The following ZNF579 variants were observed in gnomAD, a reference collection of about 807,000 sequenced individuals.
The protein encoded by ZNF579 is zinc finger protein 579.
ZNF579 carries 3 observed loss-of-function variants against 5.7 expected under a neutral mutation model. The observed-to-expected ratio is 0.53, with a 90% CI of 0.24 to 1.36. ZNF579 has a LOEUF of 1.36. ZNF579 is among the 40% of genes most tolerant of loss of function. ZNF579 has a pLI of 0.16. For missense variants in ZNF579, 679 were observed against 877.6 expected (o/e 0.77, Z 2.86); for synonymous variants, 454 against 409.0 (o/e 1.11, Z -1.33).
In ZNF579 at chr19:55,579,055, C is replaced by T; in HGVS notation, c.585G>A (p.Glu195=). 1 of 1,530,370 alleles carries T rather than the reference C, an allele frequency of 6.5e-7. No homozygotes were observed. The highest frequency in any genetic ancestry group is 8.7e-7 in the Non-Finnish European group (1 of 1,144,768). The allele number at this position is 1,530,370 out of a possible 1,614,324, so 94.8% of individuals were successfully genotyped here. The change falls in exon 2 of 2, where the codon GAG becomes GAA. Residue 195 remains glutamate, a synonymous_variant. Transcript: ENST00000325421. The part of the protein sequence containing the change: ...PTSAAEPRES[E]SEEAEAGAAE... ...CTGCCCCGGCCTCGGCCTCCTCCGA[C>T]TCCGACTCCCGGGGCTCCGCGGCGC...
chr19:55,577,651 G>A lies in ZNF579; in HGVS notation c.*300C>T, dbSNP rs1979419220. The A allele has an allele frequency of 6.4e-6, 3 of 469,930 alleles. No homozygotes were observed. The highest frequency in any genetic ancestry group is 4.7e-5 in the South Asian group (2 of 42,528). The allele number at this position is 469,930 out of a possible 1,614,324, so 29.1% of individuals were successfully genotyped here. Reference sequence around the variant, plus strand: ...ATGGTGTCCAGTGTGTGAAACGGGGGACAGGGAGGCGGGGGCGTCCCCACC... The same window carrying A: ...ATGGTGTCCAGTGTGTGAAACGGGGAACAGGGAGGCGGGGGCGTCCCCACC... On this transcript the variant is annotated 3_prime_UTR_variant, in exon 2 of 2. Transcript: ENST00000325421.
Position 55,578,110 on chromosome 19 carries a change from C to T in ZNF579, c.1530G>A (p.Glu510=). 1 of 1,560,720 alleles carries T rather than the reference C, an allele frequency of 6.4e-7. No individual in the cohort carries two copies. Among genetic ancestry groups the T allele is most frequent in the Non-Finnish European group, 8.7e-7 (1 of 1,152,108 alleles). The change falls in exon 2 of 2, where the codon GAG becomes GAA. Residue 510 remains glutamate, a synonymous_variant. Transcript: ENST00000325421. ...LPLPLANIKE[E]PPSPGTPPQS... ...GGGGTGGGGTCCCCGGAGAGGGCGG[C>T]TCTTCCTTAATGTTTGCGAGGGGCA...
chr19:55,580,404 A>G (rs1034335251), intron 1 of ZNF579, among the ~76,000 whole-genome samples: 70 of 150,062 alleles, frequency 4.7e-4, no homozygotes, highest in Non-Finnish European at 8.7e-4. Flanking sequence ...ACTGATGGGG[A>G]TGGGAGCTGG....
rs1245780980 is a variant in ZNF579, at chr19:55,578,409, G to A, written c.1231C>T (p.Pro411Ser). The A allele has an allele frequency of 6.8e-7, 1 of 1,480,512 alleles. No individual in the cohort carries two copies. The highest frequency in any genetic ancestry group is 8.9e-7 in the Non-Finnish European group (1 of 1,124,556). The allele number at this position is 1,480,512 out of a possible 1,614,324, so 91.7% of individuals were successfully genotyped here. ...QHGVTHSGAR[P>S]FQCVRCQREF... is the part of the protein sequence containing the mutation. ...CGCTGGCAGCGCACGCACTGGAAGG[G>A]GCGCGCTCCCGAGTGGGTCACCCCG... The change falls in exon 2 of 2, where the codon CCC (proline) becomes TCC (serine). Residue 411 changes from proline (P) to serine (S), a missense_variant. Physicochemically the swap from Pro to Ser is moderately conservative, Grantham distance 74. Around this residue, in one of 6 missense-constraint regions of ZNF579, gnomAD observed 68 missense variants for 154.2 expected, o/e 0.44. Coordinates refer to ENST00000325421, the MANE Select transcript of ZNF579 (RefSeq NM_152600.3).
Position 55,579,048 on chromosome 19 carries a change from CCTCCGA to C in ZNF579, c.586_591del (p.Ser196_Glu197del), listed in dbSNP as rs1568509231. On this transcript the variant is annotated inframe_deletion, in exon 2 of 2. Coordinates refer to ENST00000325421, the MANE Select transcript of ZNF579 (RefSeq NM_152600.3). ...AGCTCTGCTGCCCCGGCCTCGGCCT[CCTCCGA>C]CTCCGACTCCCGGGGCTCCGCGGCG... 2 of 1,530,912 alleles carry C rather than the reference CCTCCGA, an allele frequency of 1.3e-6. No individual in the cohort carries two copies. The highest frequency in any genetic ancestry group is 1.8e-4 in the Middle Eastern group (1 of 5,632). The allele number at this position is 1,530,912 out of a possible 1,614,324, so 94.8% of individuals were successfully genotyped here.
At position 55,578,922 on chromosome 19, in the gene ZNF579, C is replaced by T; in HGVS notation, c.718G>A (p.Ala240Thr). Reference sequence around the variant, plus strand: ...TGCGCCTTGAGCTCGCCCTTGGTGGCGAAGGCTTCGCGGCAGCGCAGACAC... The same window carrying T: ...TGCGCCTTGAGCTCGCCCTTGGTGGTGAAGGCTTCGCGGCAGCGCAGACAC... ...LLCLRCREAF[A>T]TKGELKAHPC... is the part of the protein sequence containing the mutation. Residue 240 changes from alanine to threonine, a missense_variant, in exon 2 of 2, where the codon GCC becomes ACC. Physicochemically the swap from Ala to Thr is moderately conservative, Grantham distance 58 (BLOSUM62 0). Coordinates refer to ENST00000325421, the MANE Select transcript of ZNF579 (RefSeq NM_152600.3). 5 of 1,578,734 alleles carry T rather than the reference C, an allele frequency of 3.2e-6. No homozygotes were observed. Among genetic ancestry groups the T allele is most frequent in the Non-Finnish European group, 4.3e-6 (5 of 1,164,050 alleles).
chr19:55,579,103 A>G lies in ZNF579; in HGVS notation c.537T>C (p.Pro179=). 2 of 1,527,408 alleles carry G rather than the reference A, an allele frequency of 1.3e-6. No homozygotes were observed. Among genetic ancestry groups the G allele is most frequent in the South Asian group, 2.4e-5 (2 of 83,418 alleles). The allele number at this position is 1,527,408 out of a possible 1,614,324, so 94.6% of individuals were successfully genotyped here. Residue 179 remains proline, a synonymous_variant, in exon 2 of 2, where the codon CCT becomes CCC. Coordinates refer to ENST00000325421, the MANE Select transcript of ZNF579 (RefSeq NM_152600.3). ...CGCTGGTGGGCGCAGCCAGCGTGGA[A>G]GGCTCCCCCGCAGGCCACGTCTCAG... The part of the protein sequence containing the change: ...AWPETWPAGE[P]STLAAPTSAA...
chr19:55,578,699 C>A lies in ZNF579; in HGVS notation c.941G>T (p.Arg314Leu). ...GGGGCCGTGGACGCGGCGGTGCTGG[C>A]GGAGGTAGGAGGCGAGGCGGAAGGC... is the stretch of plus-strand genomic sequence containing the variant. ...GLAFRLASYL[R>L]QHRRVHGPLS... Residue 314 changes from arginine (R) to leucine (L), a missense_variant, in exon 2 of 2, where the codon CGC becomes CTC. Arg to Leu is a moderately radical substitution (Grantham distance 102). Around this residue, in one of 6 missense-constraint regions of ZNF579, gnomAD observed 38 missense variants for 70.3 expected, o/e 0.54. Coordinates refer to ENST00000325421, the MANE Select transcript of ZNF579 (RefSeq NM_152600.3). 1 of 1,577,282 alleles carries A rather than the reference C, an allele frequency of 6.3e-7. No homozygotes were observed.
Position 55,579,598 on chromosome 19 carries a change from A to G in ZNF579, c.42T>C (p.Pro14=). Residue 14 remains proline (P), a synonymous_variant, in exon 2 of 2, where the codon CCT becomes CCC. Coordinates refer to ENST00000325421, the MANE Select transcript of ZNF579 (RefSeq NM_152600.3). ...QPPPPAQGSP[P]HRGRGRGRGR... ...CACGGCCCCGGCCTCGGCCACGGTG[A>G]GGTGGGCTGCCCTGGGCGGGTGGAG... 6.7e-7 allele frequency: 1 copy of G among 1,491,994 alleles called. No individual in the cohort carries two copies. Among genetic ancestry groups the G allele is most frequent in the African/African-American group, 1.5e-5 (1 of 68,534 alleles). The allele number at this position is 1,491,994 out of a possible 1,614,324, so 92.4% of individuals were successfully genotyped here.
Position 55,578,927 on chromosome 19 carries a change from G to T in ZNF579, c.713C>A (p.Ala238Asp). 1 of 1,575,020 alleles carries T rather than the reference G, an allele frequency of 6.3e-7. No individual in the cohort carries two copies. Among genetic ancestry groups the T allele is most frequent in the Non-Finnish European group, 8.6e-7 (1 of 1,162,556 alleles). ...WTLLCLRCREAFATKGELKAH... is the reference protein window; with the variant it reads ...WTLLCLRCREDFATKGELKAH... ...CTTGAGCTCGCCCTTGGTGGCGAAGGCTTCGCGGCAGCGCAGACACAGCAG... is the reference window on the plus strand; with the variant it reads ...CTTGAGCTCGCCCTTGGTGGCGAAGTCTTCGCGGCAGCGCAGACACAGCAG... Residue 238 changes from alanine to aspartate, a missense_variant, in exon 2 of 2, where the codon GCC (alanine) becomes GAC (aspartate). Coordinates refer to ENST00000325421, the MANE Select transcript of ZNF579 (RefSeq NM_152600.3).
In ZNF579 at chr19:55,579,621, G is replaced by C; in HGVS notation, c.19C>G (p.Pro7Ala). The change falls in exon 2 of 2, where the codon CCA becomes GCA. Residue 7 changes from proline (P) to alanine (A), a missense_variant. Around this residue, in one of 6 missense-constraint regions of ZNF579, gnomAD observed 134 missense variants for 208.9 expected, o/e 0.64. Coordinates refer to ENST00000325421, the MANE Select transcript of ZNF579 (RefSeq NM_152600.3). ...TGAGGTGGGCTGCCCTGGGCGGGTG[G>C]AGGAGGCTGCGGATCCATGCCTGTG... MDPQPP[P>A]PAQGSPPHRG... The C allele has an allele frequency of 6.8e-7, 1 of 1,477,040 alleles. No homozygotes were observed. Among genetic ancestry groups the C allele is most frequent in the Non-Finnish European group, 8.9e-7 (1 of 1,122,822 alleles). 91.5% of individuals were successfully genotyped at this position (1,477,040 alleles called of 1,614,324 possible). A position where few individuals can be genotyped will look rare whatever the true frequency, so the allele number is the denominator to read the frequency against.
In ZNF579 at chr19:55,577,291, T is replaced by A. The variant is rs756241406; in HGVS notation, c.*660A>T. On this transcript the variant is annotated 3_prime_UTR_variant, in exon 2 of 2. Coordinates refer to ENST00000325421, the MANE Select transcript of ZNF579 (RefSeq NM_152600.3). ...GCGCGGAGCTTCCACAGGGCAGTGG[T>A]GAGGATAATCGCGCGGAGCTTCCAC... is the stretch of plus-strand genomic sequence containing the variant. The A allele has an allele frequency of 2.6e-5, 4 of 156,134 alleles. No homozygotes were observed. Among genetic ancestry groups the A allele is most frequent in the Non-Finnish European group, 5.7e-5 (4 of 70,324 alleles). 9.7% of individuals were successfully genotyped at this position (156,134 alleles called of 1,614,324 possible).
intron 1 of ZNF579, among the ~76,000 whole-genome samples, chr19:55,580,560 C>A (rs1979625794): frequency 1.3e-5 from 2 of 149,808 alleles, no homozygotes; most frequent in South Asian, 4.2e-4. Context: ...GGGCTGGGGA[C>A]CCAGCTGCCG....
Position 55,579,107 on chromosome 19 carries a change from T to C in ZNF579, c.533A>G (p.Glu178Gly). Residue 178 changes from glutamate to glycine, a missense_variant, in exon 2 of 2, where the codon GAG (glutamate) becomes GGG (glycine). Physicochemically the swap from Glu to Gly is moderately conservative, Grantham distance 98. This residue lies in a region of ZNF579 where 209 missense variants were observed against 223.4 expected (regional missense o/e 0.94). Coordinates refer to ENST00000325421, the MANE Select transcript of ZNF579 (RefSeq NM_152600.3). ...AAWPETWPAG[E>G]PSTLAAPTSA... ...GGTGGGCGCAGCCAGCGTGGAAGGC[T>C]CCCCCGCAGGCCACGTCTCAGGCCA... is the stretch of plus-strand genomic sequence containing the variant. The C allele has an allele frequency of 6.5e-7, 1 of 1,526,858 alleles. No homozygotes were observed. Among genetic ancestry groups the C allele is most frequent in the East Asian group, 2.5e-5 (1 of 40,100 alleles). The allele number at this position is 1,526,858 out of a possible 1,614,324, so 94.6% of individuals were successfully genotyped here.
intron 1 of ZNF579, 45 bp from the exon 2 acceptor site, chr19:55,579,686 A>G (rs1979581748): frequency 2.9e-6 from 4 of 1,388,022 alleles, no homozygotes; most frequent in Non-Finnish European, 3.7e-6. Context: ...CAGAGATAAA[A>G]AGAGGTGCGT....
At position 55,577,759 on chromosome 19, in the gene ZNF579, C is replaced by T. The variant is rs1172295676; in HGVS notation, c.*192G>A. 1 of 1,102,366 alleles carries T rather than the reference C, an allele frequency of 9.1e-7. No individual in the cohort carries two copies. The highest frequency in any genetic ancestry group is 1.3e-6 in the Non-Finnish European group (1 of 796,454). 68.3% of individuals were successfully genotyped at this position (1,102,366 alleles called of 1,614,324 possible). A position where few individuals can be genotyped will look rare whatever the true frequency, so the allele number is the denominator to read the frequency against. On this transcript the variant is annotated 3_prime_UTR_variant, in exon 2 of 2. Transcript: ENST00000325421. ...AAGACACATGTTGGGGTGAGCGGTT[C>T]CTAACCAGCATCAGGGGTTCTGGGG...
In ZNF579 at chr19:55,578,125, T is replaced by C; in HGVS notation, c.1515A>G (p.Ala505=). 1 of 1,549,416 alleles carries C rather than the reference T, an allele frequency of 6.5e-7. No individual in the cohort carries two copies. Among genetic ancestry groups the C allele is most frequent in the Non-Finnish European group, 8.7e-7 (1 of 1,146,386 alleles). The part of the protein sequence containing the change: ...QEEEGLPLPL[A]NIKEEPPSPG... ...GAGAGGGCGGCTCTTCCTTAATGTT[T>C]GCGAGGGGCAGCGGGAGCCCTTCTT... Residue 505 remains alanine (A), a synonymous_variant, in exon 2 of 2, where the codon GCA becomes GCG. Coordinates refer to ENST00000325421, the MANE Select transcript of ZNF579 (RefSeq NM_152600.3).
In ZNF579 at chr19:55,577,938, AG is replaced by A. The variant is rs746303908; in HGVS notation, c.*12del. 4 of 1,575,156 alleles carry A rather than the reference AG, an allele frequency of 2.5e-6. No individual in the cohort carries two copies. The highest frequency in any genetic ancestry group is 3.4e-6 in the Non-Finnish European group (4 of 1,161,058). On this transcript the variant is annotated 3_prime_UTR_variant, in exon 2 of 2. Transcript: ENST00000325421. The stretch of plus-strand genomic sequence containing the variant: ...GAGCTCAGGCGGAGCGGCGGAGGGC[AG>A]GGCGGCGAAGGTCAGGAGGCCAGGC...
chr19:55,578,157 G>T lies in ZNF579; in HGVS notation c.1483C>A (p.Gln495Lys). 6.6e-7 allele frequency: 1 copy of T among 1,524,394 alleles called. No homozygotes were observed. The highest frequency in any genetic ancestry group is 8.8e-7 in the Non-Finnish European group (1 of 1,135,322). 94.4% of individuals were successfully genotyped at this position (1,524,394 alleles called of 1,614,324 possible). A position where few individuals can be genotyped will look rare whatever the true frequency, so the allele number is the denominator to read the frequency against. ...PPPPPPLKAE[Q>K]EEEGLPLPLA... The stretch of plus-strand genomic sequence containing the variant: ...GGCAGCGGGAGCCCTTCTTCCTCCT[G>T]CTCGGCCTTCAGGGGCGGCGGGGGC... Residue 495 changes from glutamine (Q) to lysine (K), a missense_variant, in exon 2 of 2, where the codon CAG becomes AAG. By Grantham distance (53) the Gln-to-Lys change is moderately conservative. Around this residue, in one of 6 missense-constraint regions of ZNF579, gnomAD observed 116 missense variants for 121.9 expected, o/e 0.95. Coordinates refer to ENST00000325421, the MANE Select transcript of ZNF579 (RefSeq NM_152600.3).
Sources: allele counts gnomAD v4.1 joint callset (sites outside exome capture counted in the v4.1 genomes callset), GRCh38; gene constraint gnomAD v4.1.1; regional missense constraint gnomAD v4.1.1; transcripts MANE v1.5; gene names NCBI Gene and HGNC (gene_info 2026-07-23, HGNC 2026-07-21).